DEF6: variants seen among roughly 807,000 people sequenced by gnomAD.
DEF6 encodes differentially expressed in FDCP 6 homolog.
DEF6 carries 32 observed loss-of-function variants against 80.5 expected under a neutral mutation model. The ratio of observed to expected loss-of-function variants is 0.40; its 90% CI spans 0.30 to 0.53. The LOEUF is 0.53. Among genes scored for constraint, DEF6 ranks in the 20% least tolerant of loss-of-function variants. The pLI is 0.57. For missense variants in DEF6, 575 were observed against 818.7 expected, an observed-to-expected ratio of 0.70 and a Z score of 3.63; for synonymous variants, 300 against 337.9, an observed-to-expected ratio of 0.89 and a Z score of 1.23.
At position 35,309,751 on chromosome 6, in the gene DEF6, G is replaced by A. The variant is rs750051088; in HGVS notation, c.178G>A (p.Asp60Asn). The A allele has an allele frequency of 9.9e-6, 16 of 1,613,976 alleles. No homozygotes were observed. Among genetic ancestry groups the A allele is most frequent in the Non-Finnish European group, 1.3e-5 (15 of 1,180,016 alleles). ...ALEEHFRDDDDGPVSSQGYMP... is the reference protein window; with the variant it reads ...ALEEHFRDDDNGPVSSQGYMP... ...GGAGGAACACTTCCGAGATGATGAT[G>A]ACGGCCCTGTGTCCAGCCAGGGATA... The change falls in exon 2 of 11, where the codon GAC becomes AAC. Residue 60 changes from aspartate to asparagine, a missense_variant. Coordinates refer to ENST00000316637, the MANE Select transcript of DEF6 (RefSeq NM_022047.4).
intron 10 of DEF6, 34 bp from the exon 11 acceptor site, chr6:35,321,153 C>T: frequency 1.9e-6 from 3 of 1,606,922 alleles, no homozygotes; most frequent in Non-Finnish European, 2.6e-6. Flanking sequence ...CTTTGCATGC[C>T]TTTCTCCTTA....
At chr6:35,313,494 A>G in intron 5 of DEF6, 1 of 320,230 alleles carries the variant, frequency 3.1e-6, no homozygotes, top group South Asian at 2.5e-5. Context: ...CTATTTTGAA[A>G]TATACAATAG....
chr6:35,319,691 G>T lies in DEF6; in HGVS notation c.1382+1G>T. 6.2e-7 allele frequency: 1 copy of T among 1,608,712 alleles called. No homozygotes were observed. The highest frequency in any genetic ancestry group is 8.5e-7 in the Non-Finnish European group (1 of 1,176,100). On this transcript the variant is annotated splice_donor_variant, in intron 8 of 10. Transcript: ENST00000316637. LOFTEE classifies it high-confidence loss of function. This position sits in a 1 kb window ranked among gnomAD's most constrained non-coding sequence, Gnocchi z 4.5. ...AATCTGTGCGAATCGCTCAGACCAG[G>T]TAGGCCTGAGGAACCTCTTCTGGTT...
At chr6:35,300,977 G>T (rs189793714) in intron 1 of DEF6, among the ~76,000 whole-genome samples, 38 of 152,242 alleles carry the variant, frequency 2.5e-4, no homozygotes, top group African/African-American at 8.7e-4. Flanking sequence ...GTGTGTCTCT[G>T]GTTTGATGAG....
Position 35,301,727 on chromosome 6 carries a change from C to CTTTTTT in DEF6, c.96+3787_96+3792dup, listed in dbSNP as rs71538302. Among the ~76,000 whole-genome samples the CTTTTTT allele has an allele frequency of 7.2e-3, 943 of 131,700 alleles. 22 individuals carry two copies. Among genetic ancestry groups the CTTTTTT allele is most frequent in the African/African-American group, 0.021 (767 of 35,734 alleles). The allele number at this position is 131,700 out of a possible 152,430, so 86.4% of individuals were successfully genotyped here. ...TGGTAACTCTTAAAAGGAGCTGTGT[C>CTTTTTT]TTTTTTTTTTTTTTTTTAAGACAGA... On this transcript the variant is annotated intron_variant, in intron 1 of 10. Transcript: ENST00000316637.
At chr6:35,304,104 G>C (rs950115256) in intron 1 of DEF6, among the ~76,000 whole-genome samples, 2 of 152,156 alleles carry the variant, frequency 1.3e-5, no homozygotes, top group African/African-American at 4.8e-5. Context: ...TTGCACTCCA[G>C]CCTGGGCACA....
chr6:35,311,095 T>G (rs564865821), intron 3 of DEF6, among the ~76,000 whole-genome samples: 2 of 152,230 alleles, frequency 1.3e-5, no homozygotes, highest in South Asian at 4.2e-4. Context: ...CTTTCTGCCT[T>G]TCTTCTGGAA....
Position 35,312,452 on chromosome 6 carries a change from C to T in DEF6, c.574C>T (p.Arg192Cys), listed in dbSNP as rs773044621. Reference sequence around the variant, plus strand: ...GTTCCTGGAGCTCTTCAATTCGGGCCGCTGCCTGCGGGGCGTGGGCCGGGA... The same window carrying T: ...GTTCCTGGAGCTCTTCAATTCGGGCTGCTGCCTGCGGGGCGTGGGCCGGGA... ...WQFLELFNSGRCLRGVGRDTL... is the reference protein window; with the variant it reads ...WQFLELFNSGCCLRGVGRDTL... Residue 192 changes from arginine to cysteine, a missense_variant, in exon 4 of 11, where the codon CGC (arginine) becomes TGC (cysteine). Physicochemically the swap from Arg to Cys is radical, Grantham distance 180 (BLOSUM62 -3). Coordinates refer to ENST00000316637, the MANE Select transcript of DEF6 (RefSeq NM_022047.4). The surrounding 1 kb of genome is among the most constrained non-coding windows in gnomAD (Gnocchi z 6.6). 27 of 1,614,030 alleles carry T rather than the reference C, an allele frequency of 1.7e-5. No homozygotes were observed. The highest frequency in any genetic ancestry group is 1.0e-4 in the Admixed American group (6 of 60,010).
Position 35,319,752 on chromosome 6 carries a change from C to T in DEF6, c.1382+62C>T. 1 of 1,610,608 alleles carries T rather than the reference C, an allele frequency of 6.2e-7. No homozygotes were observed. Among genetic ancestry groups the T allele is most frequent in the African/African-American group, 1.3e-5 (1 of 74,960 alleles). On this transcript the variant is annotated intron_variant, in intron 8 of 10. Coordinates refer to ENST00000316637, the MANE Select transcript of DEF6 (RefSeq NM_022047.4). The surrounding 1 kb of genome is among the most constrained non-coding windows in gnomAD (Gnocchi z 4.5). The stretch of plus-strand genomic sequence containing the variant: ...CCCTCCTGGAACACACCCCAGTTTT[C>T]CTGCTTGCTGTGCACCTGCAAGGTG...
rs560718348 is a variant in DEF6, at chr6:35,316,525, T to C, written c.808-1366T>C. On this transcript the variant is annotated intron_variant, in intron 5 of 10. Coordinates refer to ENST00000316637, the MANE Select transcript of DEF6 (RefSeq NM_022047.4). ...TTCAATTTTTCTCCATTTATTACAATGTTAGCTGTGAGTTTGTCATAGATA... is the reference window on the plus strand; with the variant it reads ...TTCAATTTTTCTCCATTTATTACAACGTTAGCTGTGAGTTTGTCATAGATA... Among the ~76,000 whole-genome samples the C allele has an allele frequency of 1.2e-4, 19 of 152,362 alleles. No individual in the cohort carries two copies. The East Asian group carries it at 3.7e-3, about 29-fold the overall frequency.
At chr6:35,307,833 C>G (rs1250759024) in intron 1 of DEF6, among the ~76,000 whole-genome samples, 1 of 152,184 alleles carries the variant, frequency 6.6e-6, no homozygotes, top group African/African-American at 2.4e-5. Flanking sequence ...TCTCCCCCTC[C>G]TCTCTGAAAA....
intron 5 of DEF6, among the ~76,000 whole-genome samples, chr6:35,313,808 T>TTA (rs781557819): frequency 6.6e-5 from 10 of 152,332 alleles, no homozygotes; most frequent in Non-Finnish European, 1.2e-4. Context: ...CTGAATAATA[T>TTA]TATATATATC....
chr6:35,320,078 C>G (rs2150389386), intron 9 of DEF6, 61 bp downstream of exon 9: 2 of 1,502,246 alleles, frequency 1.3e-6, no homozygotes, highest in African/African-American at 1.4e-5. Flanking sequence ...GGCACAGGCT[C>G]TGGAGCCAGG....
chr6:35,302,556 C>G (rs538964140), intron 1 of DEF6, among the ~76,000 whole-genome samples: 74 of 152,184 alleles, frequency 4.9e-4, no homozygotes, highest in Non-Finnish European at 8.4e-4. Context: ...AGAGGATCCC[C>G]CAAGTCCTGA....
At position 35,312,830 on chromosome 6, in the gene DEF6, T is replaced by C. The variant is rs187676919; in HGVS notation, c.807+58T>C. ...AGGGCCCAGAGTGTCCTCAGGGGCA[T>C]GAGAAGACAAGGGGGTCAGGAGAGG... On this transcript the variant is annotated intron_variant, in intron 5 of 10. Coordinates refer to ENST00000316637, the MANE Select transcript of DEF6 (RefSeq NM_022047.4). This position sits in a 1 kb window ranked among gnomAD's most constrained non-coding sequence, Gnocchi z 6.6. The C allele has an allele frequency of 2.1e-3, 3,220 of 1,543,392 alleles. 17 individuals carry two copies. Among genetic ancestry groups the C allele is most frequent in the African/African-American group, 0.018 (1,262 of 71,810 alleles).
At chr6:35,302,524 C>T (rs555264934) in intron 1 of DEF6, among the ~76,000 whole-genome samples, 2 of 152,192 alleles carry the variant, frequency 1.3e-5, no homozygotes, top group Non-Finnish European at 2.9e-5. Context: ...TTTAGGATCC[C>T]CAATCCCCAC....
intron 1 of DEF6, among the ~76,000 whole-genome samples, chr6:35,301,638 TAAA>T: frequency 6.6e-6 from 1 of 152,032 alleles, no homozygotes; most frequent in East Asian, 1.9e-4. Context: ...TCCCACCTTT[TAAA>T]ATTTCCAGTG....
chr6:35,317,882 C>A lies in DEF6; in HGVS notation c.808-9C>A. ...GCCAGCCTGGCTGCGGCCACCTACC[C>A]TGTGCCAGGTGCTGCCAGACCGCGA... On this transcript the variant is annotated splice_polypyrimidine_tract_variant and intron_variant, in intron 5 of 10. Coordinates refer to ENST00000316637, the MANE Select transcript of DEF6 (RefSeq NM_022047.4). 6.2e-7 allele frequency: 1 copy of A among 1,611,726 alleles called. No individual in the cohort carries two copies.
intron 1 of DEF6, among the ~76,000 whole-genome samples, chr6:35,299,786 G>A (rs1474065767): frequency 6.6e-6 from 1 of 152,100 alleles, no homozygotes; most frequent in Non-Finnish European, 1.5e-5. Context: ...AGTCTCAGGG[G>A]CCAAGTGGGG....
Sources: gnomAD v4.1 joint callset for allele counts (sites outside exome capture counted in the v4.1 genomes callset) on GRCh38, gnomAD v4.1.1 for gene constraint, Gnocchi (gnomAD v3.1) non-coding constraint, MANE v1.5 for transcripts, NCBI Gene and HGNC (gene_info 2026-07-23, HGNC 2026-07-21) for gene names.